The following ZNF324B variants were observed in gnomAD, a reference collection of about 807,000 sequenced individuals.
The protein encoded by ZNF324B is zinc finger protein 324B.
A neutral mutation model predicts 10.6 loss-of-function variants in ZNF324B; 7 were observed. That is an observed-to-expected ratio of 0.66 (90% confidence interval 0.38 to 1.24). The LOEUF (loss-of-function observed/expected upper bound fraction) is 1.24. Ranked by LOEUF, ZNF324B falls within the 50% of genes most tolerant of loss-of-function variation. The pLI, the probability that ZNF324B is intolerant of heterozygous loss-of-function variation, is 0.02. For synonymous variants in ZNF324B, 316 were observed against 321.0 expected (o/e 0.98, Z 0.17); for missense variants, 640 against 764.7 (o/e 0.84, Z 1.92).
chr19:58,436,667 C>CA, the ZNF324B span, among the ~76,000 whole-genome samples: 7,702 of 62,546 alleles, frequency 0.12, 340 homozygotes, highest in East Asian at 0.36. Flanking sequence ...GACTCCATCT[C>CA]AAAAAAAAAA....
chr19:58,443,946 A>G, the ZNF324B span: 2 of 152,202 alleles, frequency 1.3e-5, no homozygotes, highest in Non-Finnish European at 2.9e-5. Flanking sequence ...CACCCCCGCC[A>G]TGTGATCACC....
At chr19:58,448,144 A>G (rs1249539511), upstream of ZNF324B, among the ~76,000 whole-genome samples, 2 of 152,232 alleles carry the variant, frequency 1.3e-5, no homozygotes, top group African/African-American at 2.4e-5. Flanking sequence ...ATGTGGAGGC[A>G]ACTTTGGAAT....
upstream of ZNF324B, among the ~76,000 whole-genome samples, chr19:58,449,688 G>T (rs1599975629): frequency 6.6e-6 from 1 of 152,172 alleles, no homozygotes; most frequent in African/African-American, 2.4e-5. Context: ...CTTTCGTGGG[G>T]CCTTTAGCCC....
At chr19:58,436,539 G>C in the ZNF324B span, among the ~76,000 whole-genome samples, 1 of 151,670 alleles carries the variant, frequency 6.6e-6, no homozygotes, top group Admixed American at 6.6e-5. Flanking sequence ...GTGGTGGCAG[G>C]CACCTGTAGT....
In ZNF324B at chr19:58,455,666, C is replaced by G; in HGVS notation, c.722C>G (p.Ser241Trp). 7 of 1,613,478 alleles carry G rather than the reference C, an allele frequency of 4.3e-6. No homozygotes were observed. Among genetic ancestry groups the G allele is most frequent in the Non-Finnish European group, 5.9e-6 (7 of 1,179,844 alleles). Residue 241 changes from serine to tryptophan, a missense_variant, in exon 4 of 4, where the codon TCG becomes TGG. Transcript: ENST00000336614. This position sits in a 1 kb window ranked among gnomAD's most constrained non-coding sequence, Gnocchi z 7.0. ...AGACTCCTCGGTGGCCAGGAGCCCTCGACCTGGGACGAGCTGGGCGAGGCT... is the reference window on the plus strand; with the variant it reads ...AGACTCCTCGGTGGCCAGGAGCCCTGGACCTGGGACGAGCTGGGCGAGGCT... ...PHRLLGGQEP[S>W]TWDELGEALH...
At chr19:58,421,222 G>C in the ZNF324B span, among the ~76,000 whole-genome samples, 1 of 151,978 alleles carries the variant, frequency 6.6e-6, no homozygotes, top group Non-Finnish European at 1.5e-5. Flanking sequence ...CTCTGGAGTA[G>C]AGTCCCATCT....
intron 3 of ZNF324B, 183 bp downstream of exon 3, chr19:58,454,527 G>T (rs2052894243): frequency 1.7e-6 from 1 of 596,576 alleles, no homozygotes; most frequent in Non-Finnish European, 3.0e-6. Context: ...AGAGCTCCAA[G>T]GGCACAGGAG....
rs760918707 is a variant in ZNF324B, at chr19:58,451,672, G to C, written c.-39G>C. On this transcript the variant is annotated 5_prime_UTR_variant, in exon 1 of 4. Transcript: ENST00000336614. ...ACACCGGTGGTCTGGGCTGTGGCGC[G>C]CGGGTCGGGGCCCGAGGCGGGCGGC... 4.0e-6 allele frequency: 2 copies of C among 505,526 alleles called. No individual in the cohort carries two copies. Among genetic ancestry groups the C allele is most frequent in the Admixed American group, 2.0e-5 (1 of 49,414 alleles). The allele number at this position is 505,526 out of a possible 1,614,324, so 31.3% of individuals were successfully genotyped here. A position where few individuals can be genotyped will look rare whatever the true frequency, so the allele number is the denominator to read the frequency against.
chr19:58,434,370 G>C, the ZNF324B span: 1 of 1,614,232 alleles, frequency 6.2e-7, no homozygotes, highest in East Asian at 2.2e-5. Flanking sequence ...GGTGTGATCT[G>C]TTACTGAAGG....
chr19:58,427,436 TTCCTTCCTTTCCTTTCCC>T, the ZNF324B span, among the ~76,000 whole-genome samples: 3 of 44,664 alleles, frequency 6.7e-5, no homozygotes, highest in African/African-American at 3.8e-4. Context: ...CCTTCCTTCC[TTCCTTCCTTTCCTTTCCC>T]TTCCTTCCTT....
upstream of ZNF324B, chr19:58,451,515 G>A: frequency 2.2e-6 from 1 of 455,732 alleles, no homozygotes. Flanking sequence ...CCGCCTCCGC[G>A]CCGAAAAACA....
At chr19:58,446,279 A>C in the ZNF324B span, among the ~76,000 whole-genome samples, 4 of 152,066 alleles carry the variant, frequency 2.6e-5, no homozygotes, top group African/African-American at 9.7e-5. Flanking sequence ...ATGTTGTACC[A>C]TGATCGCCCT....
At chr19:58,433,415 GAA>G in the ZNF324B span, 1 of 1,614,170 alleles carries the variant, frequency 6.2e-7, no homozygotes, top group South Asian at 1.1e-5. Context: ...TCTCTGGTGT[GAA>G]CTTTCTGGTG....
At chr19:58,434,471 C>T in the ZNF324B span, 3 of 1,614,200 alleles carry the variant, frequency 1.9e-6, no homozygotes, top group Non-Finnish European at 8.5e-7. Context: ...AAGGTTTTCC[C>T]ACATGCAATG....
chr19:58,432,884 A>C, the ZNF324B span: 2 of 174,014 alleles, frequency 1.1e-5, no homozygotes, highest in Non-Finnish European at 2.5e-5. Flanking sequence ...GTGGAGGGTG[A>C]TTTGTGGCCT....
In ZNF324B at chr19:58,456,447, G is replaced by A; in HGVS notation, c.1503G>A (p.Arg501=). Reference sequence around the variant, plus strand: ...GCCCTGCCCTCTTGCACCACCAGAGGATCCACACCACAGAGAAGACCAATG... The same window carrying A: ...GCCCTGCCCTCTTGCACCACCAGAGAATCCACACCACAGAGAAGACCAATG... The part of the protein sequence containing the change: ...RERPALLHHQ[R]IHTTEKTNAA... The change falls in exon 4 of 4, where the codon AGG becomes AGA. Residue 501 remains arginine, a synonymous_variant. Transcript: ENST00000336614. The surrounding 1 kb of genome is among the most constrained non-coding windows in gnomAD (Gnocchi z 4.7). 3 of 1,613,630 alleles carry A rather than the reference G, an allele frequency of 1.9e-6. No individual in the cohort carries two copies. The highest frequency in any genetic ancestry group is 2.2e-5 in the South Asian group (2 of 91,064).
chr19:58,424,302 G>A, the ZNF324B span, among the ~76,000 whole-genome samples: 1 of 152,054 alleles, frequency 6.6e-6, no homozygotes, highest in African/African-American at 2.4e-5. Context: ...AAAAGGAAAA[G>A]CACGTGTTGG....
the ZNF324B span, among the ~76,000 whole-genome samples, chr19:58,425,746 C>T: frequency 6.6e-6 from 1 of 152,190 alleles, no homozygotes; most frequent in African/African-American, 2.4e-5. Flanking sequence ...GCTGGGATTA[C>T]AGGCATGAGC....
chr19:58,419,527 C>A, the ZNF324B span, among the ~76,000 whole-genome samples: 1 of 152,212 alleles, frequency 6.6e-6, no homozygotes. Context: ...ACCAGAACTT[C>A]TCAGCAATTG....
Sources: gnomAD v4.1 joint callset for allele counts (sites outside exome capture counted in the v4.1 genomes callset) on GRCh38, gnomAD v4.1.1 for gene constraint, Gnocchi (gnomAD v3.1) non-coding constraint, MANE v1.5 for transcripts, NCBI Gene and HGNC (gene_info 2026-07-23, HGNC 2026-07-21) for gene names.